Variants in GSN observed in about 807,000 individuals in gnomAD.
The protein encoded by GSN is gelsolin.
In GSN, 56 loss-of-function variants were observed where a neutral mutation model predicts 85.7. The observed-to-expected ratio is 0.65, with a 90% CI of 0.53 to 0.82. The LOEUF (loss-of-function observed/expected upper bound fraction) is 0.82. GSN is among the 40% of genes least tolerant of loss of function. The pLI is 0.00. For missense variants in GSN, 857 were observed against 979.8 expected, an observed-to-expected ratio of 0.87 and a Z score of 1.67; for synonymous variants, 373 against 399.1, an observed-to-expected ratio of 0.93 and a Z score of 0.78.
chr9:121,282,933 C>T (rs1268900350), intron 2 of GSN: 4 of 182,460 alleles, frequency 2.2e-5, no homozygotes, highest in South Asian at 2.0e-4. Flanking sequence ...GCTTATTCAT[C>T]CCTCTTTACT....
intron 2 of GSN, among the ~76,000 whole-genome samples, chr9:121,296,268 A>G (rs2059210406): frequency 6.6e-6 from 1 of 152,118 alleles, no homozygotes; most frequent in Non-Finnish European, 1.5e-5. Context: ...GAATCTTGGC[A>G]ACACCTCTTT....
Position 121,332,841 on chromosome 9 carries a change from T to G in GSN, c.*238T>G. The G allele has an allele frequency of 1.9e-6, 1 of 525,180 alleles. No homozygotes were observed. The highest frequency in any genetic ancestry group is 3.4e-6 in the Non-Finnish European group (1 of 294,294). 32.5% of individuals were successfully genotyped at this position (525,180 alleles called of 1,614,324 possible). On this transcript the variant is annotated 3_prime_UTR_variant, in exon 18 of 18. Transcript: ENST00000432226. The surrounding 1 kb of genome is among the most constrained non-coding windows in gnomAD (Gnocchi z 4.8). ...AATCCAATAAAAACATTTTGAAGTG[T>G]GTACTCTAGTGTGGCTCGTTTCCTT... is the stretch of plus-strand genomic sequence containing the variant.
intron 4 of GSN, among the ~76,000 whole-genome samples, chr9:121,306,117 G>A (rs1320733180): frequency 1.3e-5 from 2 of 152,094 alleles, no homozygotes; most frequent in Non-Finnish European, 2.9e-5. Flanking sequence ...CCCATTTTTG[G>A]ACTGAATCCT....
upstream of GSN, among the ~76,000 whole-genome samples, chr9:121,266,432 C>G (rs2055206044): frequency 6.6e-6 from 1 of 152,220 alleles, no homozygotes; most frequent in Non-Finnish European, 1.5e-5. Context: ...CTTTTCTCCC[C>G]AGCAGCCTTG....
chr9:121,302,310 G>T lies in GSN; in HGVS notation c.196+143G>T, dbSNP rs554695575. 3 of 946,038 alleles carry T rather than the reference G, an allele frequency of 3.2e-6. No individual in the cohort carries two copies. The African/African-American group carries it at 4.8e-5, about 15-fold the overall frequency. 58.6% of individuals were successfully genotyped at this position (946,038 alleles called of 1,614,324 possible). A position where few individuals can be genotyped will look rare whatever the true frequency, so the allele number is the denominator to read the frequency against. Reference sequence around the variant, plus strand: ...TGACTGGTGGTTCATGCCCTGAGACGCTAGAGCCAGCCTGGCCAAGTTCAC... The same window carrying T: ...TGACTGGTGGTTCATGCCCTGAGACTCTAGAGCCAGCCTGGCCAAGTTCAC... On this transcript the variant is annotated intron_variant, in intron 3 of 17. Coordinates refer to ENST00000432226, the MANE Select transcript of GSN (RefSeq NM_198252.3).
intron 4 of GSN, among the ~76,000 whole-genome samples, chr9:121,228,422 ATATTTTTTTTTTT>A (rs2054316792): frequency 1.7e-5 from 1 of 58,186 alleles, no homozygotes; most frequent in Non-Finnish European, 2.9e-5. Context: ...ATATATATAT[ATATTTTTTTTTTT>A]TTTTTTTTTT....
At chr9:121,240,208 T>C (rs1418467701) in intron 5 of GSN, 1 of 152,264 alleles carries the variant, frequency 6.6e-6, no homozygotes, top group African/African-American at 2.4e-5. Context: ...CCTAGCCTGA[T>C]TACCTCATTT....
rs2054566936 is a variant in GSN, at chr9:121,239,747, G to A, written c.-389+8444G>A. ...CCCGATCCAACTAATACCCAACAAA[G>A]CATATCCTCAGACACTGATGTTTGG... is the stretch of plus-strand genomic sequence containing the variant. On this transcript the variant is annotated intron_variant, in intron 5 of 24. Coordinates refer to the GSN transcript ENST00000373823. 46 of 283,238 alleles carry A rather than the reference G, an allele frequency of 1.6e-4. 1 individual carries two copies. In the South Asian group the frequency reaches 1.8e-3, roughly 11 times the overall value. The allele number at this position is 283,238 out of a possible 1,614,324, so 17.5% of individuals were successfully genotyped here.
intron 5 of GSN, among the ~76,000 whole-genome samples, chr9:121,243,786 C>T (rs780662170): frequency 5.9e-5 from 9 of 152,158 alleles, no homozygotes; most frequent in African/African-American, 1.4e-4. Context: ...CCAGGTTGGC[C>T]GGGCTGGTCT....
At chr9:121,207,056 T>C (rs2053892414), upstream of GSN, among the ~76,000 whole-genome samples, 1 of 152,232 alleles carries the variant, frequency 6.6e-6, no homozygotes, top group Non-Finnish European at 1.5e-5. Flanking sequence ...GGAAGGGAGA[T>C]TGATATCTAA....
At chr9:121,204,444 A>G (rs1039072852), upstream of GSN, among the ~76,000 whole-genome samples, 55 of 152,212 alleles carry the variant, frequency 3.6e-4, no homozygotes, top group African/African-American at 1.3e-3. Flanking sequence ...TTGAACAGAA[A>G]CACTCTTGTG....
rs555762642 is a variant in GSN at position 121,314,527 on chromosome 9, A to C, written c.753+504A>C. On this transcript the variant is annotated intron_variant, in intron 7 of 17. Coordinates refer to ENST00000432226, the MANE Select transcript of GSN (RefSeq NM_198252.3). ...TTGGCTGAGCTCTGGGAGAAAGCTC[A>C]ATCACACTTACGTTGTGCCCCAAGT... is the stretch of plus-strand genomic sequence containing the variant. Among the ~76,000 whole-genome samples, 4 of 152,338 alleles carry C rather than the reference A, an allele frequency of 2.6e-5. No homozygotes were observed. In the South Asian group the frequency reaches 8.3e-4, roughly 32 times the overall value.
intron 2 of GSN, chr9:121,286,126 GC>G: frequency 2.0e-6 from 3 of 1,535,558 alleles, no homozygotes; most frequent in Non-Finnish European, 2.6e-6. Flanking sequence ...GGCCCACATA[GC>G]TCCCCCCAGC....
Position 121,290,518 on chromosome 9 carries a change from T to C in GSN, c.-10+8956T>C, listed in dbSNP as rs115264202. 6.1e-3 allele frequency among the ~76,000 whole-genome samples: 935 copies of C among 152,346 alleles called. 14 individuals carry two copies. The highest frequency in any genetic ancestry group is 0.021 in the African/African-American group (867 of 41,574). ...AGTTTTAGATAAATTGTGAAGAATC[T>C]CTAATCATGCTATGTGGAGTTTTTC... On this transcript the variant is annotated intron_variant, in intron 2 of 17. Coordinates refer to ENST00000432226, the MANE Select transcript of GSN (RefSeq NM_198252.3).
intron 6 of GSN, among the ~76,000 whole-genome samples, chr9:121,257,722 T>A (rs368031159): frequency 3.9e-5 from 6 of 152,024 alleles, no homozygotes; most frequent in African/African-American, 9.7e-5. Flanking sequence ...GATAGAAAAA[T>A]TAGGTGGGTG....
chr9:121,270,854 C>A (rs1430114526), intron 1 of GSN, among the ~76,000 whole-genome samples: 1 of 152,096 alleles, frequency 6.6e-6, no homozygotes, highest in East Asian at 1.9e-4. Flanking sequence ...ACACTGAGCT[C>A]TGGTTTTCTT....
chr9:121,287,008 T>TCATTCCGGGGACGTC, intron 2 of GSN, among the ~76,000 whole-genome samples: 1 of 152,286 alleles, frequency 6.6e-6, no homozygotes, highest in African/African-American at 2.4e-5. Flanking sequence ...ATGGGGACGT[T>TCATTCCGGGGACGTC]CATTCCGGGG....
intron 4 of GSN, chr9:121,308,312 A>T (rs1589022408): frequency 6.6e-6 from 1 of 152,316 alleles, no homozygotes; most frequent in Non-Finnish European, 1.5e-5. Context: ...AACATCCATT[A>T]CTTGAAAGAG....
chr9:121,299,395 ACT>A lies in GSN; in HGVS notation c.-9-2565_-9-2564del. 2 of 974,122 alleles carry A rather than the reference ACT, an allele frequency of 2.1e-6. No individual in the cohort carries two copies. The highest frequency in any genetic ancestry group is 2.4e-6 in the Non-Finnish European group (2 of 819,876). The allele number at this position is 974,122 out of a possible 1,614,324, so 60.3% of individuals were successfully genotyped here. The stretch of plus-strand genomic sequence containing the variant: ...CAAGCTGTGTGCAAGTTGCTTCACC[ACT>A]CTGCGCTGTTCCCCCCTCTGTAAAA... On this transcript the variant is annotated intron_variant, in intron 2 of 17. Transcript: ENST00000432226. The surrounding 1 kb of genome is among the most constrained non-coding windows in gnomAD (Gnocchi z 4.2).
Sources: gnomAD v4.1 joint callset for allele counts (sites outside exome capture counted in the v4.1 genomes callset) on GRCh38, gnomAD v4.1.1 for gene constraint, Gnocchi (gnomAD v3.1) non-coding constraint, MANE v1.5 for transcripts, NCBI Gene and HGNC (gene_info 2026-07-23, HGNC 2026-07-21) for gene names.